The following WNK3 variants were observed in gnomAD, a reference collection of about 807,000 sequenced individuals.
WNK3 encodes WNK lysine deficient protein kinase 3, also known as serine/threonine-protein kinase WNK3.
WNK3 carries 18 observed loss-of-function variants against 116.7 expected under a neutral mutation model. That is an observed-to-expected ratio of 0.15 (90% CI 0.11 to 0.23). The LOEUF (loss-of-function observed/expected upper bound fraction) is 0.23, where lower values mean the gene tolerates loss of function less well. WNK3 is among the 10% of genes least tolerant of loss of function. WNK3 has a pLI of 1.00. For missense variants in WNK3, 993 were observed against 1,323.8 expected, an observed-to-expected ratio of 0.75 and a Z score of 3.88; for synonymous variants, 404 against 469.4, an observed-to-expected ratio of 0.86 and a Z score of 1.80.
intron 17 of WNK3, among the ~76,000 whole-genome samples, chrX:54,242,740 T>C (rs1236215632): frequency 3.6e-5 from 4 of 111,873 alleles, no homozygotes; most frequent in Non-Finnish European, 3.8e-5. Context: ...AGAACGAAGC[T>C]GGACCCTTGT....
Position 54,355,203 on chromosome X carries a change from A to G in WNK3, c.-120+2483T>C, listed in dbSNP as rs782352793. 1.3e-4 allele frequency among the ~76,000 whole-genome samples: 15 copies of G among 111,762 alleles called. No homozygotes were observed. The Admixed American group carries it at 1.3e-3, about 10-fold the overall frequency. ...AACAATATAGTAAAAACAAAACTCT[A>G]TGGAAGAAAGTTAAGTCAACACTAC... On this transcript the variant is annotated intron_variant, in intron 1 of 23. Transcript: ENST00000354646.
chrX:54,254,354 G>C (rs1392710826), intron 12 of WNK3, among the ~76,000 whole-genome samples: 1 of 111,994 alleles, frequency 8.9e-6, no homozygotes, highest in African/African-American at 3.2e-5. Context: ...ATAGTCACTA[G>C]AGCTATCTGC....
chrX:54,220,520 C>CA (rs2067750317), intron 22 of WNK3, among the ~76,000 whole-genome samples: 1 of 110,825 alleles, frequency 9.0e-6, no homozygotes, highest in African/African-American at 3.3e-5. Flanking sequence ...CACTACACTT[C>CA]AGCCTGAGGG....
chrX:54,285,860 AATGATATGTATTTATGG>A (rs1216430183), intron 10 of WNK3, among the ~76,000 whole-genome samples: 1 of 112,103 alleles, frequency 8.9e-6, no homozygotes, highest in Admixed American at 9.5e-5. Context: ...AGTTCTAGTC[AATGATATGTATTTATGG>A]ATGATGTATA....
chrX:54,218,028 C>A (rs1450167038), intron 22 of WNK3, among the ~76,000 whole-genome samples: 1 of 111,407 alleles, frequency 9.0e-6, no homozygotes, highest in Non-Finnish European at 1.9e-5. Flanking sequence ...CTGGAGGGGG[C>A]CTATATTTTG....
intron 1 of WNK3, among the ~76,000 whole-genome samples, chrX:54,353,132 C>T (rs782402540): frequency 7.2e-5 from 8 of 111,781 alleles, no homozygotes; most frequent in Non-Finnish European, 1.5e-4. Flanking sequence ...TGTGAAGTTA[C>T]CTAATGCCAC....
intron 6 of WNK3, among the ~76,000 whole-genome samples, chrX:54,300,712 G>A (rs2068748695): frequency 9.0e-6 from 1 of 111,592 alleles, no homozygotes; most frequent in Non-Finnish European, 1.9e-5. Context: ...AGTGTTTTTA[G>A]CTTCATTTTT....
chrX:54,354,814 G>A (rs782297391), intron 1 of WNK3, among the ~76,000 whole-genome samples: 30 of 110,610 alleles, frequency 2.7e-4, no homozygotes, highest in Admixed American at 7.7e-4. Context: ...ATCTGATAGC[G>A]GGCCCATGCC....
intron 1 of WNK3, among the ~76,000 whole-genome samples, chrX:54,340,906 C>T (rs2069313329): frequency 8.9e-6 from 1 of 111,836 alleles, no homozygotes; most frequent in African/African-American, 3.2e-5. Context: ...CTTTGGAACA[C>T]AGTCTGGCAG....
rs782629234 is a variant in WNK3 at position 54,198,512 on chromosome X, C to T, written c.5215G>A (p.Val1739Ile). ...CCCGCCACAGCATTATACTGACAAA[C>T]GTGAGGCATTCCATATGATGATAAT... is the stretch of plus-strand genomic sequence containing the variant. The change falls in exon 24 of 24, where the codon GTT becomes ATT. Residue 1739 changes from valine (V) to isoleucine (I), a missense_variant. Around this residue, in one of 4 missense-constraint regions of WNK3, gnomAD observed 836 missense variants for 976.5 expected, o/e 0.86. Transcript: ENST00000354646. 86 of 1,204,208 alleles carry T rather than the reference C, an allele frequency of 7.1e-5. No homozygotes were observed. The South Asian group carries it at 8.3e-4, about 12-fold the overall frequency.
At chrX:54,302,757 A>ATTTTT (rs782811375) in intron 5 of WNK3, among the ~76,000 whole-genome samples, 5 of 43,369 alleles carry the variant, frequency 1.2e-4, no homozygotes, top group African/African-American at 5.6e-4. Context: ...ATATATATAT[A>ATTTTT]TTTTTTTTTT....
chrX:54,339,554 T>C (rs990498144), intron 1 of WNK3, among the ~76,000 whole-genome samples: 2 of 111,704 alleles, frequency 1.8e-5, no homozygotes, highest in Non-Finnish European at 3.8e-5. Flanking sequence ...TATAGGTCAA[T>C]AGAACTGAGA....
chrX:54,253,867 A>G (rs1453811796), intron 13 of WNK3, 92 bp downstream of exon 13: 1 of 664,170 alleles, frequency 1.5e-6, no homozygotes, highest in African/African-American at 2.2e-5. Flanking sequence ...TCGTACTCTA[A>G]AAAACAATGG....
Position 54,276,060 on chromosome X carries a change from C to T in WNK3, c.2038-16722G>A, listed in dbSNP as rs1603387888. Among the ~76,000 whole-genome samples, 4 of 111,283 alleles carry T rather than the reference C, an allele frequency of 3.6e-5. 1 individual carries two copies. In the South Asian group the frequency reaches 1.5e-3, roughly 43 times the overall value. On this transcript the variant is annotated intron_variant, in intron 10 of 23. Transcript: ENST00000354646. ...AAGTAAAAAAAAATGACTGTGTAGG[C>T]TGGGCGCGGTGGCTCACATCTATAA... is the stretch of plus-strand genomic sequence containing the variant.
chrX:54,206,683 A>C, intron 22 of WNK3, among the ~76,000 whole-genome samples: 1 of 112,114 alleles, frequency 8.9e-6, no homozygotes, highest in Non-Finnish European at 1.9e-5. Flanking sequence ...AGTGATCTAA[A>C]TGGACTCACT....
chrX:54,302,768 T>TTTA (rs2068780332), intron 5 of WNK3, among the ~76,000 whole-genome samples: 2 of 77,521 alleles, frequency 2.6e-5, no homozygotes, highest in African/African-American at 4.8e-5. Context: ...TTTTTTTTTT[T>TTTA]TTTTTTATTT....
intron 1 of WNK3, among the ~76,000 whole-genome samples, chrX:54,354,366 T>C (rs1385706638): frequency 4.5e-5 from 5 of 112,240 alleles, no homozygotes; most frequent in Non-Finnish European, 9.4e-5. Context: ...ATTCTGGCTT[T>C]TGGCCAAGAG....
exon 14 of WNK3, chrX:54,251,605 A>G (rs2068130765): frequency 5.0e-6 from 6 of 1,210,821 alleles, no homozygotes; most frequent in Non-Finnish European, 6.7e-6. Context: ...GACATGAAGG[A>G]TCTCCTGGGC....
chrX:54,238,586 A>G, intron 18 of WNK3, 114 bp from the exon 19 acceptor site: 1 of 749,084 alleles, frequency 1.3e-6, no homozygotes, highest in Non-Finnish European at 1.9e-6. Context: ...CTGCTAGACA[A>G]TTAAAAGGTG....
Sources: allele counts gnomAD v4.1 joint callset (sites outside exome capture counted in the v4.1 genomes callset), GRCh38; gene constraint gnomAD v4.1.1; regional missense constraint gnomAD v4.1.1; transcripts MANE v1.5; gene names NCBI Gene and HGNC (gene_info 2026-07-23, HGNC 2026-07-21).